The following BAG2 variants were observed in gnomAD, a reference collection of about 807,000 sequenced individuals.
BAG2 encodes BAG cochaperone 2.
A neutral mutation model predicts 16.4 loss-of-function variants in BAG2; 8 were observed. That is an observed-to-expected ratio of 0.49 (90% CI 0.29 to 0.88). BAG2 has a LOEUF of 0.88. BAG2 is among the 40% of genes least tolerant of loss of function. The pLI is 0.09. For missense variants in BAG2, 218 were observed against 248.9 expected (o/e 0.88, Z 0.84); for synonymous variants, 82 against 89.2 (o/e 0.92, Z 0.46).
At chr6:57,179,617 G>A (rs547647824) in intron 1 of BAG2, among the ~76,000 whole-genome samples, 1 of 152,284 alleles carries the variant, frequency 6.6e-6, no homozygotes, top group African/African-American at 2.4e-5. Flanking sequence ...CAAATACTGG[G>A]AATAGGTCTG....
chr6:57,175,390 G>T (rs1365219193), intron 1 of BAG2, among the ~76,000 whole-genome samples: 4 of 152,038 alleles, frequency 2.6e-5, no homozygotes, highest in Non-Finnish European at 5.9e-5. Flanking sequence ...ACGTTATAAT[G>T]TTGGGGTGCT....
chr6:57,177,415 C>CA (rs993061098), intron 1 of BAG2, among the ~76,000 whole-genome samples: 7 of 151,370 alleles, frequency 4.6e-5, no homozygotes, highest in Non-Finnish European at 4.4e-5. Context: ...GACTCCATCT[C>CA]AAAAAAAACA....
rs1157866865 is a variant in BAG2 at position 57,184,877 on chromosome 6, A to C, written c.*687A>C. The C allele has an allele frequency of 6.6e-6, 1 of 152,552 alleles. No homozygotes were observed. Among genetic ancestry groups the C allele is most frequent in the African/African-American group, 2.4e-5 (1 of 41,452 alleles). 9.4% of individuals were successfully genotyped at this position (152,552 alleles called of 1,614,324 possible). ...CAATTCTCTAAAATTCCTATATTGT[A>C]ACTTGCCTTTTTTTAAAAAAGTTAG... is the stretch of plus-strand genomic sequence containing the variant. On this transcript the variant is annotated 3_prime_UTR_variant, in exon 3 of 3. Coordinates refer to ENST00000370693, the MANE Select transcript of BAG2 (RefSeq NM_004282.4).
chr6:57,174,167 C>T (rs2127991870), intron 1 of BAG2: 1 of 1,060,310 alleles, frequency 9.4e-7, no homozygotes, highest in Non-Finnish European at 1.2e-6. Context: ...GCCTCAGTTA[C>T]TTGAAGTCCC....
rs1159890588 is a variant in BAG2 at position 57,188,142 on chromosome 6, A to G, written c.*3952A>G. 6.6e-6 allele frequency: 1 copy of G among 152,200 alleles called. No individual in the cohort carries two copies. Among genetic ancestry groups the G allele is most frequent in the Non-Finnish European group, 1.5e-5 (1 of 68,014 alleles). 9.4% of individuals were successfully genotyped at this position (152,200 alleles called of 1,614,324 possible). A position where few individuals can be genotyped will look rare whatever the true frequency, so the allele number is the denominator to read the frequency against. ...TTGGAAAAGTTTTTCTTTAGTATACATGGTTTCATAAAATTAAAGTTATTT... is the reference window on the plus strand; with the variant it reads ...TTGGAAAAGTTTTTCTTTAGTATACGTGGTTTCATAAAATTAAAGTTATTT... On this transcript the variant is annotated 3_prime_UTR_variant, in exon 3 of 3. Transcript: ENST00000370693.
chr6:57,182,082 T>A lies in BAG2; in HGVS notation c.164T>A (p.Ile55Asn). 3 of 1,614,098 alleles carry A rather than the reference T, an allele frequency of 1.9e-6. No homozygotes were observed. The highest frequency in any genetic ancestry group is 2.5e-6 in the Non-Finnish European group (3 of 1,180,018). The change falls in exon 2 of 3, where the codon ATC (isoleucine) becomes AAC (asparagine). Residue 55 changes from isoleucine (I) to asparagine (N), a missense_variant. Physicochemically the swap from Ile to Asn is moderately radical, Grantham distance 149 (BLOSUM62 -3). Transcript: ENST00000370693. ...ACTGCTGTTGAGCAAGAGAAAGAAA[T>A]CCTTCTGGAAATGATCCACAGTATC... The part of the protein sequence containing the change: ...AATAVEQEKE[I>N]LLEMIHSIQN...
chr6:57,173,499 GC>G, intron 1 of BAG2: 3 of 984,630 alleles, frequency 3.0e-6, no homozygotes, highest in Non-Finnish European at 3.6e-6. Context: ...AAGACTAAGT[GC>G]TAGTTACTGG....
rs1023314429 is a variant in BAG2 at position 57,172,875 on chromosome 6, C to A, written c.113+65C>A. 4.1e-4 allele frequency: 542 copies of A among 1,307,060 alleles called. 3 individuals are homozygous for A. Among genetic ancestry groups the A allele is most frequent in the Non-Finnish European group, 3.1e-5 (31 of 996,118 alleles). 81.0% of individuals were successfully genotyped at this position (1,307,060 alleles called of 1,614,324 possible). A position where few individuals can be genotyped will look rare whatever the true frequency, so the allele number is the denominator to read the frequency against. On this transcript the variant is annotated intron_variant, in intron 1 of 2. Coordinates refer to ENST00000370693, the MANE Select transcript of BAG2 (RefSeq NM_004282.4). ...GCGCGGGCGGTTCGCGGGCGGTTAGCGGACGGAGGCCGCGTGTGGCGGGCC... is the reference window on the plus strand; with the variant it reads ...GCGCGGGCGGTTCGCGGGCGGTTAGAGGACGGAGGCCGCGTGTGGCGGGCC...
chr6:57,188,158 AAAGTT>A lies in BAG2; in HGVS notation c.*3970_*3974del, dbSNP rs1329551703. The A allele has an allele frequency of 6.6e-6, 1 of 152,160 alleles. No individual in the cohort carries two copies. The highest frequency in any genetic ancestry group is 2.4e-5 in the African/African-American group (1 of 41,452). The allele number at this position is 152,160 out of a possible 1,614,324, so 9.4% of individuals were successfully genotyped here. ...TTAGTATACATGGTTTCATAAAATT[AAAGTT>A]ATTTAAGAGAATGAAGGGTCTTGGA... On this transcript the variant is annotated 3_prime_UTR_variant, in exon 3 of 3. Coordinates refer to ENST00000370693, the MANE Select transcript of BAG2 (RefSeq NM_004282.4).
chr6:57,177,666 C>T (rs1377256537), intron 1 of BAG2, among the ~76,000 whole-genome samples: 1 of 152,134 alleles, frequency 6.6e-6, no homozygotes, highest in East Asian at 1.9e-4. Flanking sequence ...TTAAACTCTA[C>T]CTGCTTTACT....
In BAG2 at chr6:57,185,644, ATTCT is replaced by A. The variant is rs1335191576; in HGVS notation, c.*1455_*1458del. On this transcript the variant is annotated 3_prime_UTR_variant, in exon 3 of 3. Transcript: ENST00000370693. Reference sequence around the variant, plus strand: ...TCTTTGCATTTCATGGGAAACATTAATTCTATCTATGGCAGAGCCACTTGGTTTG... The same window carrying A: ...TCTTTGCATTTCATGGGAAACATTAAATCTATGGCAGAGCCACTTGGTTTG... 1.5e-4 allele frequency: 23 copies of A among 152,184 alleles called. No individual in the cohort carries two copies. The highest frequency in any genetic ancestry group is 5.6e-4 in the African/African-American group (23 of 41,434). The allele number at this position is 152,184 out of a possible 1,614,324, so 9.4% of individuals were successfully genotyped here.
At chr6:57,180,954 G>A (rs1481448183) in intron 1 of BAG2, among the ~76,000 whole-genome samples, 2 of 152,130 alleles carry the variant, frequency 1.3e-5, no homozygotes, top group African/African-American at 4.8e-5. Context: ...AGCAAAATAG[G>A]AAAAGTCTAT....
intron 1 of BAG2, among the ~76,000 whole-genome samples, chr6:57,178,651 T>C (rs1764353954): frequency 6.6e-6 from 1 of 152,140 alleles, no homozygotes; most frequent in African/African-American, 2.4e-5. Flanking sequence ...AAGAATGACA[T>C]TTTACCCTTG....
chr6:57,183,741 T>C, intron 2 of BAG2, 37 bp from the exon 3 acceptor site: 1 of 1,474,118 alleles, frequency 6.8e-7, no homozygotes, highest in Non-Finnish European at 9.0e-7. Context: ...TTAATGTTTT[T>C]GACACAGATA....
At chr6:57,173,734 C>T in intron 1 of BAG2, 1 of 168,524 alleles carries the variant, frequency 5.9e-6, no homozygotes, top group Middle Eastern at 3.1e-3. Flanking sequence ...TCTTGTTAGG[C>T]ACCTGCAATT....
rs1262747064 is a variant in BAG2, at chr6:57,185,053, CTTTCA to C, written c.*867_*871del. On this transcript the variant is annotated 3_prime_UTR_variant, in exon 3 of 3. Transcript: ENST00000370693. Reference sequence around the variant, plus strand: ...TTTTTGTACACAGGACTTTTTCCTTCTTTCATTTTTGTTTTTCTCTGTATAAAGGC... The same window carrying C: ...TTTTTGTACACAGGACTTTTTCCTTCTTTTTGTTTTTCTCTGTATAAAGGC... 6.6e-6 allele frequency: 1 copy of C among 151,998 alleles called. No homozygotes were observed. Among genetic ancestry groups the C allele is most frequent in the Non-Finnish European group, 1.5e-5 (1 of 67,974 alleles). 9.4% of individuals were successfully genotyped at this position (151,998 alleles called of 1,614,324 possible).
At chr6:57,182,754 G>A (rs1169625944) in intron 2 of BAG2, among the ~76,000 whole-genome samples, 2 of 152,044 alleles carry the variant, frequency 1.3e-5, no homozygotes, top group African/African-American at 2.4e-5. Context: ...GGGTTGAAGC[G>A]ATTCTCCTGC....
intron 1 of BAG2, among the ~76,000 whole-genome samples, chr6:57,174,951 A>G (rs955500456): frequency 5.3e-5 from 8 of 152,208 alleles, no homozygotes; most frequent in Non-Finnish European, 8.8e-5. Flanking sequence ...TGTGGAAGAA[A>G]TTTCATACTT....
At chr6:57,173,110 G>A (rs1428966750) in intron 1 of BAG2, 9 of 1,041,008 alleles carry the variant, frequency 8.6e-6, no homozygotes, top group African/African-American at 1.7e-5. Context: ...AAAAATCAGA[G>A]GAGATAAAAG....
Sources: gnomAD v4.1 joint callset for allele counts (sites outside exome capture counted in the v4.1 genomes callset) on GRCh38, gnomAD v4.1.1 for gene constraint, MANE v1.5 for transcripts, NCBI Gene and HGNC (gene_info 2026-07-23, HGNC 2026-07-21) for gene names.